MYRIP: variants seen among roughly 807,000 people sequenced by gnomAD.
MYRIP encodes the protein rab effector MyRIP.
MYRIP carries 49 observed loss-of-function variants against 98.0 expected under a neutral mutation model. The observed-to-expected ratio is 0.50, with a 90% CI of 0.40 to 0.63. The LOEUF (loss-of-function observed/expected upper bound fraction) is 0.63. Among genes scored for constraint, MYRIP ranks in the 30% least tolerant of loss-of-function variants. MYRIP has a pLI of 0.00. For synonymous variants in MYRIP, 404 were observed against 409.5 expected (o/e 0.99, Z 0.16); for missense variants, 1,004 against 1,058.2 (o/e 0.95, Z 0.71).
At chr3:39,821,353 C>T (rs1941097953) in intron 1 of MYRIP, among the ~76,000 whole-genome samples, 1 of 142,452 alleles carries the variant, frequency 7.0e-6, no homozygotes, top group Admixed American at 6.9e-5. Context: ...CGACTTAGTG[C>T]CTTCTTTGCC....
intron 9 of MYRIP, among the ~76,000 whole-genome samples, chr3:40,186,940 T>TG (rs1951051353): frequency 2.0e-5 from 3 of 152,054 alleles, no homozygotes; most frequent in African/African-American, 7.2e-5. Context: ...CCACCACAGG[T>TG]AGAACCCAAT....
chr3:40,201,943 A>G (rs1951575506), intron 10 of MYRIP, among the ~76,000 whole-genome samples: 1 of 152,214 alleles, frequency 6.6e-6, no homozygotes, highest in African/African-American at 2.4e-5. Context: ...GATCAGCAGC[A>G]GAGTCCAGCA....
At chr3:40,194,404 A>G (rs1205540781) in intron 10 of MYRIP, among the ~76,000 whole-genome samples, 3 of 151,864 alleles carry the variant, frequency 2.0e-5, no homozygotes, top group Non-Finnish European at 4.4e-5. Context: ...ATTTTGTTCC[A>G]TTGATCTAGA....
intron 1 of MYRIP, among the ~76,000 whole-genome samples, chr3:39,878,394 C>T (rs1575335118): frequency 6.6e-6 from 1 of 152,308 alleles, no homozygotes; most frequent in African/African-American, 2.4e-5. Context: ...TGAGATGAAG[C>T]CGGTACCTCA....
At chr3:39,814,415 G>T (rs971080309) in intron 1 of MYRIP, among the ~76,000 whole-genome samples, 4 of 151,976 alleles carry the variant, frequency 2.6e-5, no homozygotes, top group Middle Eastern at 3.4e-3. Context: ...ATTTCCATTG[G>T]TTTTTTTACT....
chr3:40,161,485 T>C (rs1714412), intron 4 of MYRIP, among the ~76,000 whole-genome samples: 115,092 of 152,096 alleles, frequency 0.76, 43,746 homozygotes, highest in Admixed American at 0.82. Flanking sequence ...AGACTTGCCC[T>C]GGTGTGCAGC....
chr3:39,998,805 G>C (rs977021707), intron 2 of MYRIP, among the ~76,000 whole-genome samples: 5 of 152,170 alleles, frequency 3.3e-5, no homozygotes, highest in Non-Finnish European at 7.3e-5. Flanking sequence ...AACCAAAACA[G>C]CATGGTACTG....
intron 3 of MYRIP, among the ~76,000 whole-genome samples, chr3:40,149,794 C>A (rs1445650844): frequency 1.3e-5 from 2 of 152,174 alleles, no homozygotes; most frequent in Non-Finnish European, 2.9e-5. Flanking sequence ...TTGCCAAAAT[C>A]TCTGATTTTG....
intron 2 of MYRIP, among the ~76,000 whole-genome samples, chr3:39,956,965 C>T (rs567186824): frequency 2.6e-5 from 4 of 151,862 alleles, no homozygotes; most frequent in East Asian, 1.9e-4. Context: ...TACACCCTCC[C>T]AAGACTAAAC....
At chr3:39,883,420 A>G (rs1215041276) in intron 1 of MYRIP, among the ~76,000 whole-genome samples, 1 of 152,106 alleles carries the variant, frequency 6.6e-6, no homozygotes, top group African/African-American at 2.4e-5. Context: ...AGAAATAAAC[A>G]TAAAGGAACA....
chr3:40,138,371 G>C (rs1949825779), intron 3 of MYRIP, among the ~76,000 whole-genome samples: 1 of 152,076 alleles, frequency 6.6e-6, no homozygotes, highest in African/African-American at 2.4e-5. Flanking sequence ...CCCATTTTGT[G>C]GATGAGAAAA....
At position 40,190,402 on chromosome 3, in the gene MYRIP, A is replaced by C; in HGVS notation, c.1604A>C (p.Glu535Ala). 1.9e-6 allele frequency: 3 copies of C among 1,613,174 alleles called. No individual in the cohort carries two copies. The highest frequency in any genetic ancestry group is 2.5e-6 in the Non-Finnish European group (3 of 1,179,594). The change falls in exon 10 of 17, where the codon GAA (glutamate) becomes GCA (alanine). Residue 535 changes from glutamate (E) to alanine (A), a missense_variant. Transcript: ENST00000302541. ...RRWRRARLGS[E>A]EPSKEPSSPS... ...TGGAGAAGAGCCCGACTGGGCTCAG[A>C]AGAGCCAAGCAAAGAACCATCTTCC...
chr3:39,877,280 G>T (rs1052261317), intron 1 of MYRIP, among the ~76,000 whole-genome samples: 38 of 152,028 alleles, frequency 2.5e-4, no homozygotes, highest in African/African-American at 8.9e-4. Context: ...GTTTGCCTTT[G>T]GTTTGAATGT....
intron 3 of MYRIP, among the ~76,000 whole-genome samples, chr3:40,074,467 T>C (rs958640802): frequency 2.6e-5 from 4 of 152,202 alleles, no homozygotes; most frequent in African/African-American, 7.2e-5. Flanking sequence ...AATTAAAATA[T>C]AGAGCACACC....
chr3:40,208,676 T>C (rs888589447), intron 10 of MYRIP, among the ~76,000 whole-genome samples: 1 of 152,220 alleles, frequency 6.6e-6, no homozygotes, highest in Non-Finnish European at 1.5e-5. Context: ...CTTCCCTCTC[T>C]TCCTTTTAGC....
intron 2 of MYRIP, among the ~76,000 whole-genome samples, chr3:40,042,922 T>C (rs1262099011): frequency 6.6e-6 from 1 of 152,180 alleles, no homozygotes; most frequent in African/African-American, 2.4e-5. Flanking sequence ...GGCAAAGTCA[T>C]CTGACAACAT....
At chr3:40,141,468 T>C (rs1949893358) in intron 3 of MYRIP, among the ~76,000 whole-genome samples, 1 of 152,244 alleles carries the variant, frequency 6.6e-6, no homozygotes, top group Non-Finnish European at 1.5e-5. Context: ...ATTTGTTTAT[T>C]TTTGCTTTTG....
chr3:40,076,143 G>A (rs947833010), intron 3 of MYRIP, among the ~76,000 whole-genome samples: 1 of 152,168 alleles, frequency 6.6e-6, no homozygotes, highest in Non-Finnish European at 1.5e-5. Flanking sequence ...AGGTTGAAGT[G>A]CAATGAGCTG....
At chr3:39,946,029 C>T (rs1437053590) in intron 2 of MYRIP, among the ~76,000 whole-genome samples, 2 of 151,380 alleles carry the variant, frequency 1.3e-5, no homozygotes, top group Non-Finnish European at 2.9e-5. Context: ...GTTGAGACTA[C>T]ATATTACTTC....
Sources: gnomAD v4.1 joint callset for allele counts (sites outside exome capture counted in the v4.1 genomes callset) on GRCh38, gnomAD v4.1.1 for gene constraint, MANE v1.5 for transcripts, NCBI Gene and HGNC (gene_info 2026-07-23, HGNC 2026-07-21) for gene names.